CAST: variants seen among roughly 807,000 people sequenced by gnomAD.
CAST encodes the protein calpastatin, also known as MIR583 host.
CAST carries 76 observed loss-of-function variants against 119.6 expected under a neutral mutation model. The ratio of observed to expected loss-of-function variants is 0.64; its 90% confidence interval spans 0.53 to 0.77. The LOEUF is 0.77. Ranked by LOEUF, CAST falls within the 30% of genes least tolerant of loss-of-function variation. The pLI is 0.00. For synonymous variants in CAST, 319 were observed against 331.6 expected (o/e 0.96, Z 0.41); for missense variants, 953 against 946.5 (o/e 1.01, Z -0.09).
chr5:96,579,720 G>T (rs1218214266), intron 1 of CAST, among the ~76,000 whole-genome samples: 1 of 152,150 alleles, frequency 6.6e-6, no homozygotes, highest in African/African-American at 2.4e-5. Flanking sequence ...GTAATTTCAA[G>T]GGTTTACAGT....
the CAST span, among the ~76,000 whole-genome samples, chr5:95,962,800 C>G: frequency 6.6e-6 from 1 of 152,144 alleles, no homozygotes; most frequent in Admixed American, 6.5e-5. Flanking sequence ...TTCTCATTCT[C>G]TAATTCAGTT....
At chr5:96,021,681 T>C in the CAST span, among the ~76,000 whole-genome samples, 24 of 152,266 alleles carry the variant, frequency 1.6e-4, no homozygotes, top group Non-Finnish European at 2.4e-4. Context: ...CTCCTGACTT[T>C]GTAATCCTCC....
At chr5:96,526,719 C>A (rs537196569), upstream of CAST, among the ~76,000 whole-genome samples, 1 of 152,166 alleles carries the variant, frequency 6.6e-6, no homozygotes, top group African/African-American at 2.4e-5. Context: ...CAACACTGGA[C>A]CCCAGGTTGC....
chr5:96,185,865 T>A, the CAST span, among the ~76,000 whole-genome samples: 2 of 152,094 alleles, frequency 1.3e-5, no homozygotes, highest in African/African-American at 4.8e-5. Context: ...TTTTAAATTT[T>A]TTTTTTTGTA....
intron 25 of CAST, among the ~76,000 whole-genome samples, chr5:96,763,980 C>T (rs969192390): frequency 2.7e-5 from 4 of 150,302 alleles, no homozygotes; most frequent in African/African-American, 7.3e-5. Context: ...AAAAAGCCTG[C>T]TTAGTTCACT....
At chr5:96,229,286 T>C in the CAST span, among the ~76,000 whole-genome samples, 1 of 151,224 alleles carries the variant, frequency 6.6e-6, no homozygotes, top group Non-Finnish European at 1.5e-5. Context: ...ACTTTGCTCC[T>C]TCTCCTTAGA....
chr5:96,196,785 C>A, the CAST span, among the ~76,000 whole-genome samples: 3 of 152,164 alleles, frequency 2.0e-5, no homozygotes, highest in Admixed American at 2.0e-4. Context: ...TGTGATATAT[C>A]TAATCAGGGA....
At chr5:96,166,101 C>G in the CAST span, among the ~76,000 whole-genome samples, 2 of 152,144 alleles carry the variant, frequency 1.3e-5, no homozygotes, top group African/African-American at 4.8e-5. Flanking sequence ...ACATGGCGCT[C>G]CTGAGTCTTC....
chr5:96,552,346 A>G (rs1313778516), intron 1 of CAST, among the ~76,000 whole-genome samples: 5 of 152,240 alleles, frequency 3.3e-5, no homozygotes, highest in African/African-American at 1.2e-4. Context: ...TGAAGGCAGA[A>G]ATAAAGATGT....
At chr5:96,542,046 C>T (rs2150180021) in intron 1 of CAST, among the ~76,000 whole-genome samples, 1 of 152,330 alleles carries the variant, frequency 6.6e-6, no homozygotes, top group African/African-American at 2.4e-5. Flanking sequence ...CGCGGTGGCT[C>T]ACGCCTGTAA....
the CAST span, among the ~76,000 whole-genome samples, chr5:96,142,100 G>A: frequency 6.6e-6 from 1 of 152,074 alleles, no homozygotes; most frequent in East Asian, 1.9e-4. Flanking sequence ...ATTCCAATTG[G>A]CTATATCATA....
the CAST span, among the ~76,000 whole-genome samples, chr5:96,357,753 C>T: frequency 1.3e-5 from 2 of 152,198 alleles, no homozygotes; most frequent in African/African-American, 2.4e-5. Flanking sequence ...TTGAAATTTT[C>T]GCATTGATGT....
At chr5:96,486,461 T>C in the CAST span, among the ~76,000 whole-genome samples, 3 of 152,136 alleles carry the variant, frequency 2.0e-5, no homozygotes, top group Non-Finnish European at 4.4e-5. Flanking sequence ...CCATGTGTCA[T>C]TGTCTACCTT....
At chr5:96,269,373 C>A in the CAST span, among the ~76,000 whole-genome samples, 3 of 152,054 alleles carry the variant, frequency 2.0e-5, no homozygotes, top group Non-Finnish European at 4.4e-5. Flanking sequence ...GTAGGGGATT[C>A]GACATCCTAC....
chr5:95,970,406 T>C, the CAST span: 1 of 152,224 alleles, frequency 6.6e-6, no homozygotes, highest in Non-Finnish European at 1.5e-5. Flanking sequence ...GTACTGCCAG[T>C]GTAAATAATG....
chr5:96,765,124 A>G, intron 25 of CAST, 97 bp from the exon 26 acceptor site: 3 of 729,480 alleles, frequency 4.1e-6, no homozygotes, highest in Non-Finnish European at 7.3e-6. Context: ...CTTCCAAGGA[A>G]ACAGGTTCCC....
Position 96,713,281 on chromosome 5 carries a change from G to T in CAST, c.211-9358G>T, listed in dbSNP as rs147478300. 9.4e-3 allele frequency among the ~76,000 whole-genome samples: 1,424 copies of T among 152,018 alleles called. 25 individuals are homozygous for T. Among genetic ancestry groups the T allele is most frequent in the African/African-American group, 0.033 (1,368 of 41,468 alleles). On this transcript the variant is annotated intron_variant, in intron 3 of 31. Coordinates refer to ENST00000675179, the MANE Select transcript of CAST (RefSeq NM_001750.7). The stretch of plus-strand genomic sequence containing the variant: ...TGAGTAGCTGGGACTACAGGCACGT[G>T]CCACCATGCCCAGCTAACTTTCTGT...
chr5:96,075,327 C>A, the CAST span, among the ~76,000 whole-genome samples: 64 of 152,260 alleles, frequency 4.2e-4, 1 homozygote, highest in South Asian at 0.011. Flanking sequence ...AAGATATACA[C>A]CCTCCCACTA....
At chr5:96,244,438 G>A in the CAST span, among the ~76,000 whole-genome samples, 16 of 152,010 alleles carry the variant, frequency 1.1e-4, no homozygotes, top group Non-Finnish European at 2.4e-4. Context: ...AGAATTATCC[G>A]ACACAGAAAA....
Sources: gnomAD v4.1 joint callset for allele counts (sites outside exome capture counted in the v4.1 genomes callset) on GRCh38, gnomAD v4.1.1 for gene constraint, MANE v1.5 for transcripts, NCBI Gene and HGNC (gene_info 2026-07-23, HGNC 2026-07-21) for gene names.